Variants in ADAMTS19 observed in about 807,000 individuals in gnomAD.
ADAMTS19 encodes the protein A disintegrin and metalloproteinase with thrombospondin motifs 19.
A neutral mutation model predicts 153.3 loss-of-function variants in ADAMTS19; 93 were observed. That is an observed-to-expected ratio of 0.61 (90% CI 0.51 to 0.72). The LOEUF is 0.72. Ranked by LOEUF, ADAMTS19 falls within the 30% of genes least tolerant of loss-of-function variation. The pLI is 0.00. For synonymous variants in ADAMTS19, 600 were observed against 556.6 expected (o/e 1.08, Z -1.10); for missense variants, 1,482 against 1,552.1 (o/e 0.95, Z 0.76).
chr5:129,555,777 T>TAA (rs1166342463), intron 7 of ADAMTS19, among the ~76,000 whole-genome samples: 2 of 152,220 alleles, frequency 1.3e-5, no homozygotes, highest in South Asian at 2.1e-4. Flanking sequence ...ACTGTCACCT[T>TAA]TCTTTTATAA....
Position 129,656,382 on chromosome 5 carries a change from G to C in ADAMTS19, c.2304+1949G>C, listed in dbSNP as rs115560235. ...CTCAACAATTGGGGGTTTGACTAGA[G>C]AGTTTTATCACTAAATATATAGCAC... On this transcript the variant is annotated intron_variant, in intron 14 of 22. Transcript: ENST00000274487. 3.2e-3 allele frequency among the ~76,000 whole-genome samples: 489 copies of C among 152,274 alleles called. 5 individuals carry two copies. Among genetic ancestry groups the C allele is most frequent in the African/African-American group, 0.012 (482 of 41,544 alleles).
rs149158770 is a variant in ADAMTS19, at chr5:129,486,081, G to A, written c.748-22996G>A. 3.1e-3 allele frequency among the ~76,000 whole-genome samples: 477 copies of A among 152,212 alleles called. 2 individuals are homozygous for A. Among genetic ancestry groups the A allele is most frequent in the Non-Finnish European group, 4.2e-3 (286 of 68,000 alleles). On this transcript the variant is annotated intron_variant, in intron 2 of 22. Coordinates refer to ENST00000274487, the MANE Select transcript of ADAMTS19 (RefSeq NM_133638.6). Reference sequence around the variant, plus strand: ...GCTGGGATTACAGACGTAAGCCACCGCGCCTGGCCTATAATTGAATTTCTA... The same window carrying A: ...GCTGGGATTACAGACGTAAGCCACCACGCCTGGCCTATAATTGAATTTCTA...
intron 6 of ADAMTS19, among the ~76,000 whole-genome samples, chr5:129,532,573 T>A (rs1752249025): frequency 6.6e-6 from 1 of 152,230 alleles, no homozygotes; most frequent in Non-Finnish European, 1.5e-5. Context: ...TTAGCCCACA[T>A]CCGCTTCTTA....
intron 21 of ADAMTS19, among the ~76,000 whole-genome samples, chr5:129,707,637 A>G (rs1040260520): frequency 3.9e-5 from 6 of 152,198 alleles, no homozygotes; most frequent in African/African-American, 7.2e-5. Flanking sequence ...AGGGACAGAG[A>G]AAACACACAA....
intron 8 of ADAMTS19, among the ~76,000 whole-genome samples, chr5:129,598,045 C>A (rs184584536): frequency 1.2e-3 from 183 of 152,116 alleles, no homozygotes; most frequent in African/African-American, 4.2e-3. Flanking sequence ...TTAGTGAGGC[C>A]CTACTAGGGA....
intron 6 of ADAMTS19, among the ~76,000 whole-genome samples, chr5:129,545,324 T>C (rs1437804216): frequency 6.6e-6 from 1 of 152,086 alleles, no homozygotes; most frequent in Non-Finnish European, 1.5e-5. Flanking sequence ...GAAGAGAGCA[T>C]TAGTGGATTG....
At position 129,528,581 on chromosome 5, in the gene ADAMTS19, A is replaced by G. The variant is rs1479295207; in HGVS notation, c.1232A>G (p.His411Arg). The G allele has an allele frequency of 2.5e-6, 4 of 1,606,416 alleles. No homozygotes were observed. The highest frequency in any genetic ancestry group is 1.7e-4 in the Middle Eastern group (1 of 6,028). The change falls in exon 6 of 23, where the codon CAT becomes CGT. Residue 411 changes from histidine to arginine, a missense_variant. Coordinates refer to ENST00000274487, the MANE Select transcript of ADAMTS19 (RefSeq NM_133638.6). ...KMLESFCKWQHEEFGKKNDIH... is the reference protein window; with the variant it reads ...KMLESFCKWQREEFGKKNDIH... Reference sequence around the variant, plus strand: ...CTAGAGAGTTTTTGTAAGTGGCAACATGAAGAATTTGGCAAAAAGAATGAT... The same window carrying G: ...CTAGAGAGTTTTTGTAAGTGGCAACGTGAAGAATTTGGCAAAAAGAATGAT...
chr5:129,472,849 T>G (rs1580983413), intron 2 of ADAMTS19, among the ~76,000 whole-genome samples: 1 of 150,858 alleles, frequency 6.6e-6, no homozygotes, highest in Non-Finnish European at 1.5e-5. Flanking sequence ...ATAATAAAAT[T>G]TATCAGAAAT....
chr5:129,659,335 A>T (rs1581197351), intron 15 of ADAMTS19, among the ~76,000 whole-genome samples: 1 of 152,178 alleles, frequency 6.6e-6, no homozygotes, highest in African/African-American at 2.4e-5. Context: ...ATTATGAATG[A>T]TCTACATAGT....
chr5:129,500,586 A>G (rs1263336432), intron 2 of ADAMTS19: 2 of 152,056 alleles, frequency 1.3e-5, no homozygotes, highest in African/African-American at 2.4e-5. Context: ...CTATATTTTC[A>G]TCTTTGTTTT....
intron 7 of ADAMTS19, among the ~76,000 whole-genome samples, chr5:129,588,634 CTTATAA>C (rs1749941039): frequency 6.6e-6 from 1 of 151,634 alleles, no homozygotes; most frequent in Admixed American, 6.6e-5. Context: ...TCAAATACTT[CTTATAA>C]TTATATAATT....
intron 11 of ADAMTS19, among the ~76,000 whole-genome samples, chr5:129,643,034 T>A (rs1334907689): frequency 1.3e-5 from 2 of 152,054 alleles, no homozygotes; most frequent in Non-Finnish European, 2.9e-5. Flanking sequence ...GAGATACATA[T>A]GTTCTAACCT....
intron 7 of ADAMTS19, among the ~76,000 whole-genome samples, chr5:129,568,418 A>T (rs143026379): frequency 6.6e-6 from 1 of 152,170 alleles, no homozygotes; most frequent in Non-Finnish European, 1.5e-5. Flanking sequence ...ATTCCATTTG[A>T]AATGGTAAAA....
At chr5:129,561,577 T>A (rs1753519842) in intron 7 of ADAMTS19, among the ~76,000 whole-genome samples, 2 of 151,930 alleles carry the variant, frequency 1.3e-5, no homozygotes, top group African/African-American at 4.8e-5. Context: ...ATTTTCAGAT[T>A]ATTGTGCGTT....
chr5:129,515,443 A>C (rs906920426), intron 3 of ADAMTS19, among the ~76,000 whole-genome samples: 1 of 151,804 alleles, frequency 6.6e-6, no homozygotes, highest in Non-Finnish European at 1.5e-5. Context: ...ATATCTTTCT[A>C]CTTTTTGGTA....
intron 8 of ADAMTS19, among the ~76,000 whole-genome samples, chr5:129,612,199 C>G (rs1487614662): frequency 3.4e-5 from 5 of 147,176 alleles, no homozygotes; most frequent in African/African-American, 1.3e-4. Flanking sequence ...ATTCAATTCC[C>G]ACCTATGAGT....
chr5:129,727,602 ACT>A (rs1757258997), intron 21 of ADAMTS19, among the ~76,000 whole-genome samples: 1 of 151,952 alleles, frequency 6.6e-6, no homozygotes, highest in Non-Finnish European at 1.5e-5. Flanking sequence ...TTAAGTTAAA[ACT>A]CTAATTCCAG....
At chr5:129,546,306 C>T (rs1054929089) in intron 6 of ADAMTS19, among the ~76,000 whole-genome samples, 3 of 150,300 alleles carry the variant, frequency 2.0e-5, no homozygotes, top group African/African-American at 7.5e-5. Flanking sequence ...TTTGTGGGTG[C>T]AGCGCACCAG....
At chr5:129,572,665 T>C (rs1753954401) in intron 7 of ADAMTS19, among the ~76,000 whole-genome samples, 2 of 151,954 alleles carry the variant, frequency 1.3e-5, no homozygotes, top group South Asian at 4.1e-4. Flanking sequence ...AAGAAGATAG[T>C]CTCAAAGGTT....
Sources: allele counts gnomAD v4.1 joint callset (sites outside exome capture counted in the v4.1 genomes callset), GRCh38; gene constraint gnomAD v4.1.1; transcripts MANE v1.5; gene names NCBI Gene and HGNC (gene_info 2026-07-23, HGNC 2026-07-21).